The following DMD variants were observed in gnomAD, a reference collection of about 807,000 sequenced individuals.
DMD encodes the protein mutant dystrophin.
DMD carries 63 observed loss-of-function variants against 330.1 expected under a neutral mutation model. The observed-to-expected ratio is 0.19, with a 90% CI of 0.16 to 0.24. DMD has a LOEUF of 0.24. DMD is among the 10% of genes least tolerant of loss of function. DMD has a pLI of 1.00. For synonymous variants in DMD, 1,223 were observed against 959.8 expected (o/e 1.27, Z -5.07); for missense variants, 3,344 against 2,684.1 (o/e 1.25, Z -5.43).
chrX:32,189,894 T>C (rs935376787), intron 44 of DMD, among the ~76,000 whole-genome samples: 4 of 111,350 alleles, frequency 3.6e-5, no homozygotes, highest in Non-Finnish European at 7.5e-5. Flanking sequence ...ATTTTTTTTA[T>C]TATACTTTAA....
chrX:31,346,011 T>G (rs2058059652), intron 61 of DMD, among the ~76,000 whole-genome samples: 1 of 111,222 alleles, frequency 9.0e-6, no homozygotes, highest in Non-Finnish European at 1.9e-5. Flanking sequence ...TCAAATACTT[T>G]AAAGTATTTG....
At chrX:31,228,126 G>A in intron 63 of DMD, among the ~76,000 whole-genome samples, 1 of 103,186 alleles carries the variant, frequency 9.7e-6, no homozygotes, top group East Asian at 2.9e-4. Flanking sequence ...GGGAGTGGGG[G>A]GGATAGCACT....
At chrX:32,859,471 A>T (rs945696304) in intron 2 of DMD, among the ~76,000 whole-genome samples, 2 of 61,227 alleles carry the variant, frequency 3.3e-5, no homozygotes, top group African/African-American at 9.3e-5. Flanking sequence ...TCACACACAC[A>T]CACACACACA....
chrX:31,836,525 C>T (rs1463463958), intron 49 of DMD, among the ~76,000 whole-genome samples, 193 bp downstream of exon 49: 1 of 112,368 alleles, frequency 8.9e-6, no homozygotes, highest in African/African-American at 3.2e-5. Context: ...TCGTTAATAG[C>T]CTTAAGATCA....
intron 44 of DMD, among the ~76,000 whole-genome samples, chrX:32,196,802 G>A (rs753654620): frequency 5.5e-5 from 6 of 109,218 alleles, no homozygotes; most frequent in Admixed American, 2.0e-4. Flanking sequence ...TGGCTAACAC[G>A]GTGAAACCCC....
chrX:31,818,982 G>C (rs894294964), intron 50 of DMD, among the ~76,000 whole-genome samples: 14 of 110,191 alleles, frequency 1.3e-4, no homozygotes, highest in Non-Finnish European at 1.7e-4. Context: ...TGAAGAACCA[G>C]TCACCATGCT....
intron 62 of DMD, among the ~76,000 whole-genome samples, chrX:31,304,019 T>C (rs1381944873): frequency 8.9e-6 from 1 of 112,335 alleles, no homozygotes; most frequent in Non-Finnish European, 1.9e-5. Context: ...AGTATATCTT[T>C]AGATAAATGT....
intron 15 of DMD, among the ~76,000 whole-genome samples, chrX:32,567,168 T>C (rs1010504510): frequency 1.1e-4 from 12 of 111,782 alleles, no homozygotes; most frequent in African/African-American, 2.9e-4. Context: ...AGTTTGTCTT[T>C]TACTCAGAAT....
At chrX:32,735,312 A>G (rs2068301605) in intron 7 of DMD, among the ~76,000 whole-genome samples, 1 of 110,797 alleles carries the variant, frequency 9.0e-6, no homozygotes, top group South Asian at 3.9e-4. Context: ...GGTAGGAAGA[A>G]TCAATATCGT....
Position 32,084,056 on chromosome X carries a change from T to A in DMD, c.6439-115542A>T, listed in dbSNP as rs140136067. On this transcript the variant is annotated intron_variant, in intron 44 of 78. Transcript: ENST00000357033. ...TTCTGAATTTTCTTTTTGTCTATAA[T>A]TGTATTTTGTCAAGATTTTTTTTTA... Among the ~76,000 whole-genome samples the A allele has an allele frequency of 2.5e-3, 278 of 112,337 alleles. 1 individual carries two copies. Among genetic ancestry groups the A allele is most frequent in the African/African-American group, 8.2e-3 (251 of 30,751 alleles).
At chrX:32,364,913 T>C in intron 35 of DMD, 107 bp downstream of exon 35, 1 of 881,556 alleles carries the variant, frequency 1.1e-6, no homozygotes, top group Non-Finnish European at 1.7e-6. Flanking sequence ...AGAGCCAGCA[T>C]ATACGTAGAA....
At chrX:32,408,078 C>G (rs2098126123) in intron 30 of DMD, among the ~76,000 whole-genome samples, 1 of 109,979 alleles carries the variant, frequency 9.1e-6, no homozygotes, top group Non-Finnish European at 1.9e-5. Context: ...ACATATGCAA[C>G]TAACCTGCAC....
chrX:31,762,449 A>G (rs760928645), intron 51 of DMD, among the ~76,000 whole-genome samples: 158 of 110,744 alleles, frequency 1.4e-3, no homozygotes, highest in African/African-American at 5.1e-3. Context: ...CGTTCCCGTA[A>G]TCCCAGCTAC....
At chrX:32,438,182 T>A (rs757278827) in intron 29 of DMD, 59 bp downstream of exon 29, 21 of 1,131,100 alleles carry the variant, frequency 1.9e-5, no homozygotes, top group Non-Finnish European at 2.3e-5. Context: ...CTGAGAGGCC[T>A]GTATCTGCTA....
chrX:31,340,943 G>A (rs892297044), intron 61 of DMD, among the ~76,000 whole-genome samples: 3 of 111,851 alleles, frequency 2.7e-5, no homozygotes, highest in African/African-American at 3.2e-5. Context: ...TTTATCACTC[G>A]TTAGTTATAC....
At position 31,386,848 on chromosome X, in the gene DMD, T is replaced by G. The variant is rs150373614; in HGVS notation, c.9085-38214A>C. The stretch of plus-strand genomic sequence containing the variant: ...CAGTAGTTTTTTTAATAGGCTTCAT[T>G]CTAGACACATATACTCAGGTGTTCC... On this transcript the variant is annotated intron_variant, in intron 60 of 78. Transcript: ENST00000357033. Among the ~76,000 whole-genome samples the G allele has an allele frequency of 7.8e-3, 874 of 111,944 alleles. 12 individuals are homozygous for G. The highest frequency in any genetic ancestry group is 0.027 in the African/African-American group (826 of 30,787).
At chrX:31,843,942 T>G (rs1044305184) in intron 48 of DMD, among the ~76,000 whole-genome samples, 4 of 109,993 alleles carry the variant, frequency 3.6e-5, no homozygotes, top group Non-Finnish European at 7.6e-5. Context: ...CACTGCAACC[T>G]CCGACTCCCT....
intron 2 of DMD, among the ~76,000 whole-genome samples, chrX:32,999,036 C>G (rs2093204092): frequency 8.9e-6 from 1 of 112,410 alleles, no homozygotes; most frequent in Admixed American, 9.4e-5. Flanking sequence ...GCTGGAAATT[C>G]AGTGTCCTTA....
chrX:32,194,533 C>T (rs1288891428), intron 44 of DMD, among the ~76,000 whole-genome samples: 3 of 111,960 alleles, frequency 2.7e-5, no homozygotes, highest in African/African-American at 9.8e-5. Context: ...TTCCTCTATT[C>T]ACTGCCGAGT....
Sources: gnomAD v4.1 joint callset for allele counts (sites outside exome capture counted in the v4.1 genomes callset) on GRCh38, gnomAD v4.1.1 for gene constraint, MANE v1.5 for transcripts, NCBI Gene and HGNC (gene_info 2026-07-23, HGNC 2026-07-21) for gene names.